Variants in PIAS2 observed in about 807,000 individuals in gnomAD.
PIAS2 encodes protein inhibitor of activated STAT 2, also known as E3 SUMO-protein ligase PIAS2.
A neutral mutation model predicts 69.7 loss-of-function variants in PIAS2; 19 were observed. The ratio of observed to expected loss-of-function variants is 0.27; its 90% CI spans 0.19 to 0.40. The LOEUF (loss-of-function observed/expected upper bound fraction) is 0.40. PIAS2 is among the 10% of genes least tolerant of loss of function. The probability of loss-of-function intolerance (pLI) is 1.00; values close to 1 mark genes in which losing one functional copy is unlikely to be tolerated. For missense variants in PIAS2, 624 were observed against 757.0 expected, an observed-to-expected ratio of 0.82 and a Z score of 2.06; for synonymous variants, 261 against 263.2, an observed-to-expected ratio of 0.99 and a Z score of 0.08.
intron 9 of PIAS2, among the ~76,000 whole-genome samples, chr18:46,834,130 T>C (rs1384187497): frequency 1.3e-5 from 2 of 152,164 alleles, no homozygotes; most frequent in African/African-American, 4.8e-5. Context: ...AATGAATTCA[T>C]GAAGCAATGT....
intron 1 of PIAS2, among the ~76,000 whole-genome samples, chr18:46,899,339 C>G (rs184443232): frequency 6.6e-6 from 1 of 152,084 alleles, no homozygotes; most frequent in Non-Finnish European, 1.5e-5. Context: ...TCTATGGATA[C>G]CTGAGGAAAA....
At chr18:46,826,737 A>T (rs1239203760) in intron 11 of PIAS2, 1 of 152,214 alleles carries the variant, frequency 6.6e-6, no homozygotes, top group Non-Finnish European at 1.5e-5. Context: ...CACACACAAA[A>T]ACCCCACCTC....
At position 46,870,319 on chromosome 18, in the gene PIAS2, A is replaced by G. The variant is rs114084493; in HGVS notation, c.500-6071T>C. 9.3e-3 allele frequency among the ~76,000 whole-genome samples: 1,422 copies of G among 152,256 alleles called. 19 individuals are homozygous for G. Among genetic ancestry groups the G allele is most frequent in the African/African-American group, 0.032 (1,340 of 41,536 alleles). On this transcript the variant is annotated intron_variant, in intron 2 of 13. Coordinates refer to ENST00000585916, the MANE Select transcript of PIAS2 (RefSeq NM_004671.5). The stretch of plus-strand genomic sequence containing the variant: ...TCACTAGCTCAGAAGTTCGAAATTT[A>G]AAAAAGGAACTCAAGACCGGGTGCA...
intron 3 of PIAS2, among the ~76,000 whole-genome samples, chr18:46,858,827 G>A (rs565331255): frequency 3.3e-5 from 5 of 152,286 alleles, no homozygotes; most frequent in African/African-American, 1.2e-4. Flanking sequence ...ATAAGGGAAG[G>A]GGAGTTTCTA....
chr18:46,832,892 C>CAA (rs34958166), intron 9 of PIAS2, among the ~76,000 whole-genome samples: 1,709 of 105,890 alleles, frequency 0.016, 40 homozygotes, highest in African/African-American at 0.055. Context: ...CCTCTGTCTC[C>CAA]AAAAAAAAAA....
upstream of PIAS2, chr18:46,917,625 C>T (rs371863179): frequency 4.1e-4 from 370 of 911,522 alleles, 10 homozygotes; most frequent in East Asian, 0.033. Context: ...ACAGCGCCCG[C>T]CCGCGCCTGC....
rs1354035967 is a variant in PIAS2 at position 46,810,559 on chromosome 18, A to G, written c.*1874T>C. On this transcript the variant is annotated 3_prime_UTR_variant, in exon 14 of 14. Coordinates refer to ENST00000585916, the MANE Select transcript of PIAS2 (RefSeq NM_004671.5). ...GTAAAACTGGCAACTATGTGCAACT[A>G]CTGCTCGTAGATTTGGGTTTGTTTC... 1 of 152,156 alleles carries G rather than the reference A, an allele frequency of 6.6e-6. No homozygotes were observed. The highest frequency in any genetic ancestry group is 1.5e-5 in the Non-Finnish European group (1 of 68,032). 9.4% of individuals were successfully genotyped at this position (152,156 alleles called of 1,614,324 possible).
intron 3 of PIAS2, among the ~76,000 whole-genome samples, chr18:46,862,204 G>A (rs2048765308): frequency 6.6e-6 from 1 of 152,080 alleles, no homozygotes; most frequent in Admixed American, 6.6e-5. Context: ...GGCGGCACCT[G>A]CCTGTAGTCA....
In PIAS2 at chr18:46,828,139, A is replaced by G. The variant is rs1175630938; in HGVS notation, c.1337-9T>C. 5.0e-6 allele frequency: 8 copies of G among 1,584,392 alleles called. No individual in the cohort carries two copies. The highest frequency in any genetic ancestry group is 2.2e-5 in the East Asian group (1 of 44,578). On this transcript the variant is annotated splice_polypyrimidine_tract_variant and intron_variant, in intron 10 of 13. Transcript: ENST00000585916. ...ACTGAGGACGCTTGAACCTGCATGT[A>G]AAGAAACAAAAGGAAAAAAAAATTA...
rs528581960 is a variant in PIAS2 at position 46,889,826 on chromosome 18, T to C, written c.499+754A>G. 6.6e-5 allele frequency among the ~76,000 whole-genome samples: 10 copies of C among 152,306 alleles called. No homozygotes were observed. In the South Asian group the frequency reaches 1.5e-3, roughly 22 times the overall value. On this transcript the variant is annotated intron_variant, in intron 2 of 13. Coordinates refer to ENST00000585916, the MANE Select transcript of PIAS2 (RefSeq NM_004671.5). Reference sequence around the variant, plus strand: ...AGCTAAAATGTGGGAGCAACCCAAGTGTCCAATGGATAAGCAAAATGTGGT... The same window carrying C: ...AGCTAAAATGTGGGAGCAACCCAAGCGTCCAATGGATAAGCAAAATGTGGT...
intron 10 of PIAS2, among the ~76,000 whole-genome samples, chr18:46,829,228 A>G (rs1414032775): frequency 6.6e-6 from 1 of 152,190 alleles, no homozygotes; most frequent in African/African-American, 2.4e-5. Flanking sequence ...CAGTTGATGG[A>G]TGAGTATACA....
chr18:46,839,399 G>A (rs1243943519), intron 8 of PIAS2, among the ~76,000 whole-genome samples: 1 of 152,052 alleles, frequency 6.6e-6, no homozygotes, highest in African/African-American at 2.4e-5. Context: ...TGTTACTTCT[G>A]AATAACAGAC....
At chr18:46,822,899 A>AAT (rs942701442) in intron 11 of PIAS2, among the ~76,000 whole-genome samples, 13 of 152,010 alleles carry the variant, frequency 8.6e-5, no homozygotes, top group Non-Finnish European at 1.6e-4. Context: ...TTGAAGACCA[A>AAT]ATATATATAT....
rs1201340371 is a variant in PIAS2, at chr18:46,874,938, AAGGGGATGGAC to A, written c.500-10701_500-10691del. Reference sequence around the variant, plus strand: ...CAGAAACCACTATCTGCACGGCCAAAAGGGGATGGACAGACCACACGCGAGTGAAAGGAGTG... The same window carrying A: ...CAGAAACCACTATCTGCACGGCCAAAAGACCACACGCGAGTGAAAGGAGTG... On this transcript the variant is annotated intron_variant, in intron 2 of 13. Transcript: ENST00000585916. Among the ~76,000 whole-genome samples, 22 of 152,234 alleles carry A rather than the reference AAGGGGATGGAC, an allele frequency of 1.4e-4. 1 individual carries two copies. In the South Asian group the frequency reaches 4.6e-3, roughly 32 times the overall value.
At position 46,805,979 on chromosome 18, in the gene PIAS2, T is replaced by C. The variant is rs922347416; in HGVS notation, c.*6454A>G. On this transcript the variant is annotated 3_prime_UTR_variant, in exon 14 of 14. Transcript: ENST00000585916. ...ATCCAAGTTACCCAGGCTTGAAAAATGGATGAAAAATGCACTCAACCCTTA... is the reference window on the plus strand; with the variant it reads ...ATCCAAGTTACCCAGGCTTGAAAAACGGATGAAAAATGCACTCAACCCTTA... 1 of 152,136 alleles carries C rather than the reference T, an allele frequency of 6.6e-6. No homozygotes were observed. The highest frequency in any genetic ancestry group is 1.5e-5 in the Non-Finnish European group (1 of 68,020). The allele number at this position is 152,136 out of a possible 1,614,324, so 9.4% of individuals were successfully genotyped here.
intron 2 of PIAS2, among the ~76,000 whole-genome samples, chr18:46,880,425 G>A (rs1217694849): frequency 6.6e-6 from 1 of 151,948 alleles, no homozygotes; most frequent in Non-Finnish European, 1.5e-5. Flanking sequence ...GCAGGGCAAG[G>A]TACAGTGACA....
At chr18:46,914,566 C>G (rs554522390) in intron 1 of PIAS2, among the ~76,000 whole-genome samples, 16 of 148,186 alleles carry the variant, frequency 1.1e-4, no homozygotes, top group African/African-American at 2.7e-4. Flanking sequence ...CCTCCCCCCC[C>G]CAACTCCACC....
In PIAS2 at chr18:46,812,487, T is replaced by C; in HGVS notation, c.1812A>G (p.Thr604=). 6.2e-7 allele frequency: 1 copy of C among 1,613,146 alleles called. No individual in the cohort carries two copies. The highest frequency in any genetic ancestry group is 8.5e-7 in the Non-Finnish European group (1 of 1,179,152). The change falls in exon 14 of 14, where the codon ACA becomes ACG. Residue 604 remains threonine, a synonymous_variant. Transcript: ENST00000585916. ...TACTTCCACTGCTGGTTATGACCCCTGTCTCACTCCTGCTGCTGGATGAAC... is the reference window on the plus strand; with the variant it reads ...TACTTCCACTGCTGGTTATGACCCCCGTCTCACTCCTGCTGCTGGATGAAC... The part of the protein sequence containing the change: ...HVSSSSSRSE[T]GVITSSGSNI...
intron 1 of PIAS2, among the ~76,000 whole-genome samples, chr18:46,916,203 T>C (rs931296823): frequency 2.6e-5 from 4 of 152,170 alleles, no homozygotes; most frequent in African/African-American, 9.7e-5. Context: ...GTTCTTTTGC[T>C]CACGTCCACT....
Sources: allele counts gnomAD v4.1 joint callset (sites outside exome capture counted in the v4.1 genomes callset), GRCh38; gene constraint gnomAD v4.1.1; transcripts MANE v1.5; gene names NCBI Gene and HGNC (gene_info 2026-07-23, HGNC 2026-07-21).